SLC14A2: variants seen among roughly 807,000 people sequenced by gnomAD.
The protein encoded by SLC14A2 is solute carrier family 14 member 2, also known as urea transporter 2.
In SLC14A2, 91 loss-of-function variants were observed where a neutral mutation model predicts 104.6. The ratio of observed to expected loss-of-function variants is 0.87; its 90% confidence interval spans 0.73 to 1.04. SLC14A2 has a LOEUF of 1.04. Among genes scored for constraint, SLC14A2 ranks in the 50% least tolerant of loss-of-function variants. SLC14A2 has a pLI of 0.00. For synonymous variants in SLC14A2, 476 were observed against 466.4 expected (o/e 1.02, Z -0.27); for missense variants, 1,189 against 1,156.0 (o/e 1.03, Z -0.41).
chr18:45,350,734 G>GA lies in SLC14A2; in HGVS notation c.-124-132499_-124-132498insA, dbSNP rs531352136. ...TGTTATTTAAATAAGACCCTATTAG[G>GA]GATTTATTTATCACAAGGAAAAGAT... On this transcript the variant is annotated intron_variant, in intron 1 of 20. Transcript: ENST00000586448. Among the ~76,000 whole-genome samples, 108 of 151,438 alleles carry GA rather than the reference G, an allele frequency of 7.1e-4. 1 individual carries two copies. The East Asian group carries it at 0.019, about 27-fold the overall frequency.
intron 1 of SLC14A2, among the ~76,000 whole-genome samples, chr18:45,476,675 G>T (rs2087387128): frequency 6.6e-6 from 1 of 152,008 alleles, no homozygotes; most frequent in African/African-American, 2.4e-5. Flanking sequence ...GGCTTTGTTT[G>T]TTCCTTTTCA....
chr18:45,291,765 T>C (rs548526895), intron 1 of SLC14A2, among the ~76,000 whole-genome samples: 1 of 151,582 alleles, frequency 6.6e-6, no homozygotes, highest in African/African-American at 2.4e-5. Context: ...CAAGCCTACA[T>C]AGGAGTCACG....
intron 1 of SLC14A2, among the ~76,000 whole-genome samples, chr18:45,311,790 G>A (rs1332463078): frequency 6.6e-6 from 1 of 152,196 alleles, no homozygotes; most frequent in African/African-American, 2.4e-5. Flanking sequence ...CCAAAGTAGT[G>A]ATTTAGGAGG....
At chr18:45,244,124 A>G (rs934786775) in intron 1 of SLC14A2, among the ~76,000 whole-genome samples, 1 of 152,184 alleles carries the variant, frequency 6.6e-6, no homozygotes, top group African/African-American at 2.4e-5. Flanking sequence ...TTAGAAGGCA[A>G]GTCTCCGAGC....
intron 1 of SLC14A2, among the ~76,000 whole-genome samples, chr18:45,330,721 G>C (rs776760090): frequency 6.6e-6 from 1 of 152,236 alleles, no homozygotes; most frequent in Non-Finnish European, 1.5e-5. Context: ...GCTGTCCCTC[G>C]GGCCATTTCC....
chr18:45,517,380 C>A (rs904489068), intron 2 of SLC14A2, among the ~76,000 whole-genome samples: 2 of 152,154 alleles, frequency 1.3e-5, no homozygotes, highest in African/African-American at 2.4e-5. Flanking sequence ...CCTCAGCCTC[C>A]CCCCTCCCAA....
At chr18:45,638,550 C>T (rs1019434365) in intron 6 of SLC14A2, among the ~76,000 whole-genome samples, 4 of 152,182 alleles carry the variant, frequency 2.6e-5, no homozygotes, top group African/African-American at 7.2e-5. Context: ...ACCTGAGGAC[C>T]TGCCATGCCC....
intron 1 of SLC14A2, among the ~76,000 whole-genome samples, chr18:45,328,568 G>A (rs1461884783): frequency 6.6e-6 from 1 of 152,152 alleles, no homozygotes; most frequent in African/African-American, 2.4e-5. Context: ...AGGGGTATTT[G>A]GACATCAAGA....
At chr18:45,524,135 G>A (rs888678007) in intron 2 of SLC14A2, among the ~76,000 whole-genome samples, 5 of 152,222 alleles carry the variant, frequency 3.3e-5, no homozygotes, top group Non-Finnish European at 7.3e-5. Flanking sequence ...CTGGTCCTTA[G>A]TGGGTGCTCA....
chr18:45,331,411 G>A (rs567216106), intron 1 of SLC14A2, among the ~76,000 whole-genome samples: 1 of 152,234 alleles, frequency 6.6e-6, no homozygotes, highest in African/African-American at 2.4e-5. Context: ...TTTAATCCTG[G>A]CCGGGTGTGG....
chr18:45,663,896 G>T lies in SLC14A2; in HGVS notation c.1463G>T (p.Arg488Met), dbSNP rs780627569. ...CACATCGAGTGGTCATCCATTCGGA[G>T]GAGGAGCAAAGGTGTGCATGTCCTC... ...VFHIEWSSIR[R>M]RSKVFGKGEH... Residue 488 changes from arginine (R) to methionine (M), a missense_variant, in exon 11 of 20, where the codon AGG becomes ATG. By Grantham distance (91) the Arg-to-Met change is moderately conservative. Transcript: ENST00000255226. 1.2e-6 allele frequency: 2 copies of T among 1,612,812 alleles called. No homozygotes were observed. Among genetic ancestry groups the T allele is most frequent in the East Asian group, 4.5e-5 (2 of 44,822 alleles).
chr18:45,312,392 A>G (rs1418507985), intron 1 of SLC14A2, among the ~76,000 whole-genome samples: 1 of 152,128 alleles, frequency 6.6e-6, no homozygotes, highest in Non-Finnish European at 1.5e-5. Context: ...AGAAAAAAAA[A>G]AAGCCTGCTT....
At chr18:45,360,030 G>A (rs189793656) in intron 1 of SLC14A2, among the ~76,000 whole-genome samples, 1 of 152,216 alleles carries the variant, frequency 6.6e-6, no homozygotes, top group African/African-American at 2.4e-5. Flanking sequence ...CTCCTGTCAG[G>A]AGATGTCTTC....
chr18:45,678,044 C>G (rs530728915), intron 18 of SLC14A2, among the ~76,000 whole-genome samples: 1 of 152,130 alleles, frequency 6.6e-6, no homozygotes, highest in Non-Finnish European at 1.5e-5. Flanking sequence ...GTCTCAAACT[C>G]CTGGGCTCAA....
the SLC14A2 span, among the ~76,000 whole-genome samples, chr18:45,201,406 T>C: frequency 6.6e-6 from 1 of 152,186 alleles, no homozygotes; most frequent in Admixed American, 6.6e-5. Context: ...ATCTATTTAA[T>C]AACTCATTTA....
chr18:45,324,420 C>G (rs899029742), intron 1 of SLC14A2, among the ~76,000 whole-genome samples: 1 of 152,228 alleles, frequency 6.6e-6, no homozygotes, highest in Non-Finnish European at 1.5e-5. Context: ...TATTCCTCCC[C>G]CAAGGACTCT....
intron 1 of SLC14A2, among the ~76,000 whole-genome samples, chr18:45,419,691 T>C (rs966576558): frequency 5.3e-5 from 8 of 151,786 alleles, no homozygotes; most frequent in Non-Finnish European, 5.9e-5. Context: ...GGAGAATTAC[T>C]TGATCCCAGG....
intron 2 of SLC14A2, among the ~76,000 whole-genome samples, chr18:45,483,973 G>A (rs763850365): frequency 2.8e-4 from 43 of 152,324 alleles, no homozygotes; most frequent in South Asian, 4.1e-4. Flanking sequence ...GATTAGGTCT[G>A]AAATACTGGT....
chr18:45,625,615 T>C, intron 2 of SLC14A2, 68 bp from the exon 3 acceptor site: 2 of 1,353,858 alleles, frequency 1.5e-6, no homozygotes, highest in Non-Finnish European at 2.0e-6. Context: ...GCCACCCTCC[T>C]CTATCCCCAA....
Sources: allele counts gnomAD v4.1 joint callset (sites outside exome capture counted in the v4.1 genomes callset), GRCh38; gene constraint gnomAD v4.1.1; transcripts MANE v1.5; gene names NCBI Gene and HGNC (gene_info 2026-07-23, HGNC 2026-07-21).